Variants in MAT1A observed in about 807,000 individuals in gnomAD.
The protein encoded by MAT1A is methionine adenosyltransferase 1A, also known as S-adenosylmethionine synthase isoform type-1.
A neutral mutation model predicts 44.0 loss-of-function variants in MAT1A; 19 were observed. That is an observed-to-expected ratio of 0.43 (90% CI 0.30 to 0.63). The LOEUF (loss-of-function observed/expected upper bound fraction) is 0.63. Among genes scored for constraint, MAT1A ranks in the 30% least tolerant of loss-of-function variants. MAT1A has a pLI of 0.12. For missense variants in MAT1A, 397 were observed against 531.0 expected (o/e 0.75, Z 2.48); for synonymous variants, 205 against 205.6 (o/e 1.00, Z 0.03).
intron 4 of MAT1A, 39 bp from the exon 5 acceptor site, chr10:80,280,355 A>G (rs570093227): frequency 3.7e-6 from 6 of 1,611,738 alleles, no homozygotes; most frequent in African/African-American, 1.3e-5. Flanking sequence ...CCCACCCTAG[A>G]CCAAGAGGAC....
chr10:80,274,976 C>G, intron 7 of MAT1A, 41 bp downstream of exon 7: 12 of 1,543,152 alleles, frequency 7.8e-6, no homozygotes, highest in Non-Finnish European at 8.8e-6. Context: ...GGGCAGGGGT[C>G]CTCCACTGCA....
intron 3 of MAT1A, among the ~76,000 whole-genome samples, chr10:80,282,955 T>A (rs902359427): frequency 1.3e-5 from 2 of 152,222 alleles, no homozygotes; most frequent in Admixed American, 1.3e-4. Flanking sequence ...CTAGGCAGGA[T>A]GACCTGGAAG....
At chr10:80,283,831 G>A (rs1214408077) in intron 3 of MAT1A, 85 bp downstream of exon 3, 2 of 1,599,624 alleles carry the variant, frequency 1.3e-6, no homozygotes, top group African/African-American at 1.3e-5. Flanking sequence ...CTCCCATCGG[G>A]CTGAAAGGCA....
At chr10:80,285,781 G>A (rs1310386274) in intron 1 of MAT1A, among the ~76,000 whole-genome samples, 192 bp from the exon 2 acceptor site, 4 of 151,568 alleles carry the variant, frequency 2.6e-5, no homozygotes, top group African/African-American at 7.3e-5. Flanking sequence ...CCTAATTTTG[G>A]ATGACACGTA....
At position 80,275,094 on chromosome 10, in the gene MAT1A, G is replaced by A. The variant is rs372852106; in HGVS notation, c.874C>T (p.Arg292Cys). Residue 292 changes from arginine to cysteine, a missense_variant, in exon 7 of 9, where the codon CGC becomes TGC. Physicochemically the swap from Arg to Cys is radical, Grantham distance 180. Coordinates refer to ENST00000372213, the MANE Select transcript of MAT1A (RefSeq NM_000429.3). The part of the protein sequence containing the change: ...FSGKDYTKVD[R>C]SAAYAARWVA... ...CAGCGGGCAGCATATGCAGCTGAGCGGTCTACCTTGGTGTAGTCCTTCCCA... is the reference window on the plus strand; with the variant it reads ...CAGCGGGCAGCATATGCAGCTGAGCAGTCTACCTTGGTGTAGTCCTTCCCA... 41 of 1,599,392 alleles carry A rather than the reference G, an allele frequency of 2.6e-5. No individual in the cohort carries two copies. The highest frequency in any genetic ancestry group is 3.5e-5 in the Admixed American group (2 of 57,940).
intron 1 of MAT1A, among the ~76,000 whole-genome samples, chr10:80,289,031 G>C (rs1165468148): frequency 6.6e-6 from 1 of 152,168 alleles, no homozygotes. Flanking sequence ...CTACAGGTAC[G>C]AAGTTACAGT....
chr10:80,278,842 A>C (rs1035148009), intron 5 of MAT1A, among the ~76,000 whole-genome samples: 6 of 152,240 alleles, frequency 3.9e-5, no homozygotes, highest in Non-Finnish European at 7.3e-5. Flanking sequence ...AGGACAAGAG[A>C]AGGCGCTGGC....
chr10:80,283,869 A>G (rs1841603171), intron 3 of MAT1A, 47 bp downstream of exon 3: 1 of 1,612,574 alleles, frequency 6.2e-7, no homozygotes, highest in African/African-American at 1.3e-5. Context: ...TGGGGTCTCT[A>G]TCAGCAGAGA....
intron 4 of MAT1A, 105 bp downstream of exon 4, chr10:80,280,575 C>G (rs1206493659): frequency 2.3e-5 from 26 of 1,129,830 alleles, no homozygotes; most frequent in Non-Finnish European, 3.5e-5. Flanking sequence ...TCGCTCCTGG[C>G]TATCGTGCTA....
In MAT1A at chr10:80,273,679, G is replaced by A; in HGVS notation, c.*102C>T. 1.2e-6 allele frequency: 1 copy of A among 856,328 alleles called. No homozygotes were observed. 53.0% of individuals were successfully genotyped at this position (856,328 alleles called of 1,614,324 possible). A position where few individuals can be genotyped will look rare whatever the true frequency, so the allele number is the denominator to read the frequency against. ...GAGAGGGACCTGGCTTTGCCCTGAG[G>A]GTTGGTGGGTGGGGAAGGCGATCAG... On this transcript the variant is annotated 3_prime_UTR_variant, in exon 9 of 9. Coordinates refer to ENST00000372213, the MANE Select transcript of MAT1A (RefSeq NM_000429.3).
rs1352827475 is a variant in MAT1A, at chr10:80,275,731, G to A, written c.769-532C>T. On this transcript the variant is annotated intron_variant, in intron 6 of 8. Transcript: ENST00000372213. The stretch of plus-strand genomic sequence containing the variant: ...TACTAGTATGTCTAGGCTTTGAGAA[G>A]TCCTGCAAGAAAAAACAATAAGTGT... Among the ~76,000 whole-genome samples, 4 of 152,362 alleles carry A rather than the reference G, an allele frequency of 2.6e-5. No individual in the cohort carries two copies. In the East Asian group the frequency reaches 5.8e-4, roughly 22 times the overall value.
chr10:80,281,910 A>C (rs917538836), intron 3 of MAT1A, among the ~76,000 whole-genome samples: 11 of 151,904 alleles, frequency 7.2e-5, no homozygotes, highest in Middle Eastern at 3.2e-3. Flanking sequence ...CTCCCACCCC[A>C]CATGCCCAAA....
chr10:80,279,757 G>GCACAGACAGACAGCACAGACAGACAA (rs71482772), intron 5 of MAT1A, among the ~76,000 whole-genome samples: 1 of 151,296 alleles, frequency 6.6e-6, no homozygotes, highest in Admixed American at 6.6e-5. Flanking sequence ...CAGACAGACA[G>GCACAGACAGACAGCACAGACAGACAA]CACAGACACA....
intron 8 of MAT1A, 122 bp from the exon 9 acceptor site, chr10:80,274,005 C>T (rs1366403646): frequency 7.8e-6 from 6 of 767,746 alleles, no homozygotes; most frequent in South Asian, 1.4e-5. Flanking sequence ...TGGCACTACG[C>T]CTCCCCACCG....
At position 80,273,361 on chromosome 10, in the gene MAT1A, AG is replaced by A; in HGVS notation, c.*419del. 1 of 263,348 alleles carries A rather than the reference AG, an allele frequency of 3.8e-6. No individual in the cohort carries two copies. Among genetic ancestry groups the A allele is most frequent in the Non-Finnish European group, 7.5e-6 (1 of 134,052 alleles). The allele number at this position is 263,348 out of a possible 1,614,324, so 16.3% of individuals were successfully genotyped here. On this transcript the variant is annotated 3_prime_UTR_variant, in exon 9 of 9. Coordinates refer to ENST00000372213, the MANE Select transcript of MAT1A (RefSeq NM_000429.3). ...GCTCAGGGCACTGGCTGCCTGTGAAAGGGGGGTCCAGGAGCCCAGGCCCACA... is the reference window on the plus strand; with the variant it reads ...GCTCAGGGCACTGGCTGCCTGTGAAAGGGGGTCCAGGAGCCCAGGCCCACA...
chr10:80,281,620 ACACT>A (rs1356462507), intron 3 of MAT1A, among the ~76,000 whole-genome samples: 1 of 152,140 alleles, frequency 6.6e-6, no homozygotes, highest in African/African-American at 2.4e-5. Flanking sequence ...GCATAGTGAC[ACACT>A]CACTCTCCAA....
rs1436522870 is a variant in MAT1A, at chr10:80,272,066, G to A, written c.*1715C>T. On this transcript the variant is annotated 3_prime_UTR_variant, in exon 9 of 9. Coordinates refer to ENST00000372213, the MANE Select transcript of MAT1A (RefSeq NM_000429.3). ...GGTGACCAGGAGCCGGGCTTCTTTT[G>A]TTGCCTTAATTTCCTTTCACCTGAG... The A allele has an allele frequency of 6.6e-6, 1 of 152,128 alleles. No individual in the cohort carries two copies. Among genetic ancestry groups the A allele is most frequent in the South Asian group, 2.1e-4 (1 of 4,828 alleles). 9.4% of individuals were successfully genotyped at this position (152,128 alleles called of 1,614,324 possible). A position where few individuals can be genotyped will look rare whatever the true frequency, so the allele number is the denominator to read the frequency against.
chr10:80,277,953 G>A (rs1273737304), intron 5 of MAT1A, among the ~76,000 whole-genome samples: 1 of 152,254 alleles, frequency 6.6e-6, no homozygotes, highest in African/African-American at 2.4e-5. Context: ...GACCCATCCT[G>A]CTCACAGCCA....
chr10:80,284,408 AT>A (rs1841614370), intron 2 of MAT1A, among the ~76,000 whole-genome samples: 1 of 152,186 alleles, frequency 6.6e-6, no homozygotes, highest in South Asian at 2.1e-4. Context: ...GTGACCCCCC[AT>A]CCCCCACATT....
Sources: allele counts gnomAD v4.1 joint callset (sites outside exome capture counted in the v4.1 genomes callset), GRCh38; gene constraint gnomAD v4.1.1; transcripts MANE v1.5; gene names NCBI Gene and HGNC (gene_info 2026-07-23, HGNC 2026-07-21).